Variants in WDR25 observed in about 807,000 individuals in gnomAD.
WDR25 encodes WD repeat domain 25, also known as WD repeat-containing protein 25.
WDR25 carries 35 observed loss-of-function variants against 47.7 expected under a neutral mutation model. The observed-to-expected ratio is 0.73, with a 90% CI of 0.56 to 0.97. The LOEUF is 0.97. WDR25 is among the 50% of genes least tolerant of loss of function. The probability of loss-of-function intolerance (pLI) is 0.00; values close to 1 mark genes in which losing one functional copy is unlikely to be tolerated. For missense variants in WDR25, 634 were observed against 704.7 expected, an observed-to-expected ratio of 0.90 and a Z score of 1.14; for synonymous variants, 248 against 278.9, an observed-to-expected ratio of 0.89 and a Z score of 1.10.
chr14:100,466,774 C>T (rs1473126545), intron 2 of WDR25, among the ~76,000 whole-genome samples: 4 of 152,238 alleles, frequency 2.6e-5, no homozygotes. Context: ...TCTGAGCCAC[C>T]TGGGTGGTAG....
At chr14:100,458,676 A>T (rs1899282428) in intron 2 of WDR25, among the ~76,000 whole-genome samples, 1 of 152,142 alleles carries the variant, frequency 6.6e-6, no homozygotes, top group African/African-American at 2.4e-5. Context: ...AGTGTATCTA[A>T]AAAGATTGGA....
At chr14:100,414,048 T>C (rs1897794353) in intron 2 of WDR25, among the ~76,000 whole-genome samples, 1 of 151,572 alleles carries the variant, frequency 6.6e-6, no homozygotes, top group African/African-American at 2.4e-5. Flanking sequence ...CAGGCTTGAG[T>C]GCAGTGGTGC....
chr14:100,474,116 G>A (rs1336451390), intron 3 of WDR25, among the ~76,000 whole-genome samples: 2 of 152,126 alleles, frequency 1.3e-5, no homozygotes, highest in Admixed American at 6.6e-5. Context: ...GTTAGCAGCC[G>A]CCTACTTTCT....
chr14:100,389,150 G>A (rs1422644250), intron 2 of WDR25, among the ~76,000 whole-genome samples: 1 of 152,044 alleles, frequency 6.6e-6, no homozygotes, highest in African/African-American at 2.4e-5. Context: ...TCATAAAAGT[G>A]GTAAAATTTT....
chr14:100,477,799 A>G (rs923443554), intron 3 of WDR25, among the ~76,000 whole-genome samples: 1 of 152,166 alleles, frequency 6.6e-6, no homozygotes, highest in Non-Finnish European at 1.5e-5. Flanking sequence ...CTATTTAAAA[A>G]CCTGTATCCC....
Position 100,529,516 on chromosome 14 carries a change from A to T in WDR25, c.1414-304A>T. The T allele has an allele frequency of 1.7e-6, 1 of 586,646 alleles. No homozygotes were observed. Among genetic ancestry groups the T allele is most frequent in the Non-Finnish European group, 3.0e-6 (1 of 331,376 alleles). The allele number at this position is 586,646 out of a possible 1,614,324, so 36.3% of individuals were successfully genotyped here. On this transcript the variant is annotated intron_variant, in intron 6 of 6. Transcript: ENST00000402312. The surrounding 1 kb of genome is among the most constrained non-coding windows in gnomAD (Gnocchi z 5.1). ...CATTTCTGCATCCTTCCCTTTCCTC[A>T]CTGAGGCCAAGCCTTGCTGGGGTGG...
intron 4 of WDR25, among the ~76,000 whole-genome samples, chr14:100,507,237 T>C (rs929620120): frequency 2.0e-5 from 3 of 152,198 alleles, no homozygotes; most frequent in African/African-American, 7.2e-5. Context: ...TTATTCTGGG[T>C]TCTCTATTCT....
At chr14:100,526,107 G>A (rs1025947819) in intron 5 of WDR25, 67 bp downstream of exon 5, 10 of 1,556,766 alleles carry the variant, frequency 6.4e-6, no homozygotes, top group Non-Finnish European at 8.7e-6. Flanking sequence ...GTTCTGGTCT[G>A]TCTGAGGTCC....
At position 100,430,556 on chromosome 14, in the gene WDR25, G is replaced by A. The variant is rs1290920924; in HGVS notation, c.823-37465G>A. Among the ~76,000 whole-genome samples, 2 of 152,172 alleles carry A rather than the reference G, an allele frequency of 1.3e-5. No individual in the cohort carries two copies. Among genetic ancestry groups the A allele is most frequent in the Admixed American group, 1.3e-4 (2 of 15,270 alleles). On this transcript the variant is annotated intron_variant, in intron 2 of 6. Coordinates refer to ENST00000402312, the MANE Select transcript of WDR25 (RefSeq NM_001161476.3). The surrounding 1 kb of genome is among the most constrained non-coding windows in gnomAD (Gnocchi z 4.7). ...TTGGATTTAATTAAAATAACGGCTA[G>A]TCTTGATGTGCAAAATGGCTTCATG... is the stretch of plus-strand genomic sequence containing the variant.
intron 2 of WDR25, among the ~76,000 whole-genome samples, chr14:100,411,090 T>G (rs1455994192): frequency 1.3e-5 from 2 of 152,144 alleles, no homozygotes; most frequent in African/African-American, 2.4e-5. Flanking sequence ...GCAAAGCAGA[T>G]CTTTTGATAC....
chr14:100,480,991 G>A (rs1170389483), intron 3 of WDR25: 9 of 431,534 alleles, frequency 2.1e-5, no homozygotes, highest in Non-Finnish European at 4.1e-5. Flanking sequence ...GGGCCACCAA[G>A]GAAGAGCCCA....
chr14:100,432,655 T>C (rs1190925), intron 2 of WDR25, among the ~76,000 whole-genome samples: 24 of 152,366 alleles, frequency 1.6e-4, no homozygotes, highest in East Asian at 1.2e-3. Context: ...GTAAGACTGA[T>C]AGTCCTTTAC....
chr14:100,501,839 A>G (rs1031917670), intron 4 of WDR25, among the ~76,000 whole-genome samples: 2 of 152,216 alleles, frequency 1.3e-5, no homozygotes, highest in Non-Finnish European at 2.9e-5. Context: ...GTGGGGGCTC[A>G]CAAAGGCCAT....
At position 100,506,888 on chromosome 14, in the gene WDR25, AT is replaced by A. The variant is rs1901129695; in HGVS notation, c.1102-18978del. On this transcript the variant is annotated intron_variant, in intron 4 of 6. Transcript: ENST00000402312. This position sits in a 1 kb window ranked among gnomAD's most constrained non-coding sequence, Gnocchi z 4.8. Reference sequence around the variant, plus strand: ...TGTCTGTTTACTCTCTGGATAGTTTATTTTGCTGTGCAGAAGCTCTTTGGTT... The same window carrying A: ...TGTCTGTTTACTCTCTGGATAGTTTATTTGCTGTGCAGAAGCTCTTTGGTT... Among the ~76,000 whole-genome samples, 1 of 151,970 alleles carries A rather than the reference AT, an allele frequency of 6.6e-6. No individual in the cohort carries two copies. The highest frequency in any genetic ancestry group is 1.5e-5 in the Non-Finnish European group (1 of 67,964).
intron 3 of WDR25, among the ~76,000 whole-genome samples, chr14:100,477,153 C>G (rs569329267): frequency 2.8e-4 from 43 of 152,300 alleles, no homozygotes; most frequent in African/African-American, 9.4e-4. Flanking sequence ...AGAGGGGCAG[C>G]TTGGAGGAGC....
intron 2 of WDR25, among the ~76,000 whole-genome samples, chr14:100,408,004 G>A (rs1447367400): frequency 1.3e-5 from 2 of 152,148 alleles, no homozygotes; most frequent in African/African-American, 2.4e-5. Flanking sequence ...GAGCACAGAT[G>A]CCTGCACACC....
intron 2 of WDR25, among the ~76,000 whole-genome samples, chr14:100,385,236 C>A (rs115694674): frequency 6.6e-6 from 1 of 152,102 alleles, no homozygotes; most frequent in Non-Finnish European, 1.5e-5. Context: ...GTTAAGTGAT[C>A]GATAAAAATT....
At chr14:100,422,744 T>C (rs955518351) in intron 2 of WDR25, among the ~76,000 whole-genome samples, 27 of 152,230 alleles carry the variant, frequency 1.8e-4, no homozygotes, top group Non-Finnish European at 4.4e-5. Context: ...GGGATTTTGA[T>C]TTTTTGCCCC....
At chr14:100,463,728 T>G (rs1899506987) in intron 2 of WDR25, among the ~76,000 whole-genome samples, 1 of 152,196 alleles carries the variant, frequency 6.6e-6, no homozygotes, top group African/African-American at 2.4e-5. Context: ...CTCCAGGTCC[T>G]CCTTCCCTCA....
Sources: gnomAD v4.1 joint callset for allele counts (sites outside exome capture counted in the v4.1 genomes callset) on GRCh38, gnomAD v4.1.1 for gene constraint, Gnocchi (gnomAD v3.1) non-coding constraint, MANE v1.5 for transcripts, NCBI Gene and HGNC (gene_info 2026-07-23, HGNC 2026-07-21) for gene names.